ANKRD27: variants seen among roughly 807,000 people sequenced by gnomAD.
ANKRD27 encodes ankyrin repeat domain 27.
A neutral mutation model predicts 129.7 loss-of-function variants in ANKRD27; 112 were observed. That is an observed-to-expected ratio of 0.86 (90% CI 0.74 to 1.01). ANKRD27 has a LOEUF of 1.01. ANKRD27 is among the 50% of genes least tolerant of loss of function. The pLI, the probability that ANKRD27 is intolerant of heterozygous loss-of-function variation, is 0.00. For synonymous variants in ANKRD27, 516 were observed against 511.2 expected (o/e 1.01, Z -0.13); for missense variants, 1,258 against 1,300.5 (o/e 0.97, Z 0.50).
intron 1 of ANKRD27, among the ~76,000 whole-genome samples, chr19:32,663,954 G>T (rs1967695359): frequency 6.7e-6 from 1 of 149,346 alleles, no homozygotes; most frequent in Admixed American, 6.7e-5. Context: ...TACTTGGGAG[G>T]CTGAGGCAGG....
Position 32,602,090 on chromosome 19 carries a change from T to C in ANKRD27, c.2692A>G (p.Ser898Gly). 3 of 1,613,938 alleles carry C rather than the reference T, an allele frequency of 1.9e-6. No individual in the cohort carries two copies. Among genetic ancestry groups the C allele is most frequent in the Non-Finnish European group, 2.5e-6 (3 of 1,179,856 alleles). Residue 898 changes from serine (S) to glycine (G), a missense_variant, in exon 26 of 29, where the codon AGC becomes GGC. Transcript: ENST00000306065. ...ACATCATCTAATGAAGCAACACAGC[T>C]TGGTACCACCTGAAGCAATTCCATT... The part of the protein sequence containing the change: ...KIMELLQVVP[S>G]CVASLDDVAE...
chr19:32,602,356 A>G (rs1971666402), intron 25 of ANKRD27, among the ~76,000 whole-genome samples: 1 of 151,960 alleles, frequency 6.6e-6, no homozygotes, highest in Non-Finnish European at 1.5e-5. Context: ...TGTGGACTCC[A>G]CGCTGGGGAT....
intron 3 of ANKRD27, among the ~76,000 whole-genome samples, chr19:32,648,922 A>G (rs1479354557): frequency 6.6e-6 from 1 of 151,962 alleles, no homozygotes; most frequent in Non-Finnish European, 1.5e-5. Flanking sequence ...AACTTTACTA[A>G]AACATTTGAA....
intron 3 of ANKRD27, among the ~76,000 whole-genome samples, chr19:32,647,767 G>A (rs1003965836): frequency 6.6e-6 from 1 of 152,222 alleles, no homozygotes; most frequent in Non-Finnish European, 1.5e-5. Context: ...CGGGCTTTGC[G>A]CAGCTGGTCT....
At chr19:32,640,285 G>C in intron 11 of ANKRD27, 22 bp downstream of exon 11, 1 of 1,604,186 alleles carries the variant, frequency 6.2e-7, no homozygotes, top group Non-Finnish European at 8.5e-7. Flanking sequence ...TTTCAAAAGA[G>C]TATCTTAAAA....
At chr19:32,604,627 A>T (rs1971703996) in intron 24 of ANKRD27, among the ~76,000 whole-genome samples, 1 of 152,074 alleles carries the variant, frequency 6.6e-6, no homozygotes, top group Non-Finnish European at 1.5e-5. Context: ...CTAATAGCAG[A>T]GAAAACAGAA....
At chr19:32,620,228 G>C (rs1378301609) in intron 18 of ANKRD27, among the ~76,000 whole-genome samples, 2 of 150,526 alleles carry the variant, frequency 1.3e-5, no homozygotes, top group Admixed American at 6.7e-5. Flanking sequence ...CTTATGCTGT[G>C]TCCCTGCCAC....
At chr19:32,653,999 C>A (rs186902406) in intron 2 of ANKRD27, among the ~76,000 whole-genome samples, 195 of 152,238 alleles carry the variant, frequency 1.3e-3, no homozygotes, top group African/African-American at 4.6e-3. Flanking sequence ...CTCCCGGGTT[C>A]ACGCGATTCT....
chr19:32,604,238 C>G (rs373534682), intron 25 of ANKRD27, 25 bp downstream of exon 25: 1 of 1,579,382 alleles, frequency 6.3e-7, no homozygotes, highest in Non-Finnish European at 8.7e-7. Context: ...AGGATTCCCT[C>G]GGCTCTTCGA....
chr19:32,607,144 TAAAAAA>T (rs34734065), intron 23 of ANKRD27, among the ~76,000 whole-genome samples: 1 of 94,360 alleles, frequency 1.1e-5, no homozygotes, highest in Admixed American at 1.3e-4. Context: ...GGTGATGTCT[TAAAAAA>T]AAAAAAAAAA....
chr19:32,637,211 T>C (rs1446543384), intron 12 of ANKRD27: 2 of 152,226 alleles, frequency 1.3e-5, no homozygotes, highest in Admixed American at 6.5e-5. Flanking sequence ...CATCATTATT[T>C]TGGGAGATTC....
chr19:32,597,836 C>G lies in ANKRD27; in HGVS notation c.*309G>C. The stretch of plus-strand genomic sequence containing the variant: ...AGGTCAGAATGCGGTGGTGAAACCT[C>G]TCCCACTGTGACCAACAAACCCTCA... On this transcript the variant is annotated 3_prime_UTR_variant, in exon 29 of 29. Coordinates refer to ENST00000306065, the MANE Select transcript of ANKRD27 (RefSeq NM_032139.3). 2.4e-6 allele frequency: 1 copy of G among 409,402 alleles called. No homozygotes were observed. Among genetic ancestry groups the G allele is most frequent in the African/African-American group, 2.0e-5 (1 of 49,702 alleles). 25.4% of individuals were successfully genotyped at this position (409,402 alleles called of 1,614,324 possible).
intron 20 of ANKRD27, among the ~76,000 whole-genome samples, chr19:32,618,479 C>G (rs377138555): frequency 1.0e-4 from 15 of 144,074 alleles, no homozygotes; most frequent in African/African-American, 3.8e-4. Flanking sequence ...AAAAGAAATA[C>G]TGAACTCAGC....
At chr19:32,638,497 A>G in intron 12 of ANKRD27, 1 of 152,372 alleles carries the variant, frequency 6.6e-6, no homozygotes, top group Non-Finnish European at 1.5e-5. Context: ...GCAGGACTGA[A>G]AGAGCTGTAA....
At chr19:32,640,510 A>G in intron 10 of ANKRD27, 125 bp from the exon 11 acceptor site, 1 of 764,690 alleles carries the variant, frequency 1.3e-6, no homozygotes, top group South Asian at 1.5e-5. Flanking sequence ...CTGGGGGAGA[A>G]ATGTCATTGC....
intron 7 of ANKRD27, 33 bp from the exon 8 acceptor site, chr19:32,643,385 A>G: frequency 6.2e-7 from 1 of 1,613,856 alleles, no homozygotes; most frequent in Non-Finnish European, 8.5e-7. Context: ...TCAGGGTGTG[A>G]GCGGGCAACA....
intron 2 of ANKRD27, among the ~76,000 whole-genome samples, chr19:32,657,321 G>A (rs1967557709): frequency 6.6e-6 from 1 of 152,020 alleles, no homozygotes; most frequent in African/African-American, 2.4e-5. Flanking sequence ...AATTAGTTGG[G>A]TGTGGTGGCA....
At chr19:32,602,354 C>A (rs1003454718) in intron 25 of ANKRD27, among the ~76,000 whole-genome samples, 15 of 152,024 alleles carry the variant, frequency 9.9e-5, no homozygotes, top group African/African-American at 2.9e-4. Context: ...TCTGTGGACT[C>A]CACGCTGGGG....
chr19:32,637,021 T>C (rs1967103639), intron 12 of ANKRD27, among the ~76,000 whole-genome samples: 1 of 152,206 alleles, frequency 6.6e-6, no homozygotes, highest in African/African-American at 2.4e-5. Context: ...GTGCTGGGAT[T>C]ACAGGCGTGA....
Sources: allele counts gnomAD v4.1 joint callset (sites outside exome capture counted in the v4.1 genomes callset), GRCh38; gene constraint gnomAD v4.1.1; transcripts MANE v1.5; gene names NCBI Gene and HGNC (gene_info 2026-07-23, HGNC 2026-07-21).